Variants in CCDC73 observed in about 807,000 individuals in gnomAD.
CCDC73 encodes coiled-coil domain-containing protein 73.
Under a neutral mutation model 116.5 loss-of-function variants are expected in CCDC73, and 95 were observed. The ratio of observed to expected loss-of-function variants is 0.82; its 90% CI spans 0.69 to 0.97. The LOEUF is 0.97. CCDC73 is among the 50% of genes least tolerant of loss of function. The pLI is 0.00. For synonymous variants in CCDC73, 398 were observed against 401.3 expected (o/e 0.99, Z 0.10); for missense variants, 1,066 against 1,206.8 (o/e 0.88, Z 1.73).
At chr11:32,755,536 A>AATATATATATATATATATATATAT (rs375204188) in intron 2 of CCDC73, among the ~76,000 whole-genome samples, 4 of 59,910 alleles carry the variant, frequency 6.7e-5, no homozygotes, top group Non-Finnish European at 1.3e-4. Flanking sequence ...TCCATCTCAA[A>AATATATATATATATATATATATAT]ATATATATAT....
In CCDC73 at chr11:32,638,668, G is replaced by A. The variant is rs190576712; in HGVS notation, c.1051-2838C>T. On this transcript the variant is annotated intron_variant, in intron 13 of 17. Transcript: ENST00000335185. ...TAATTTTTGTATTGTTAGTAGAGAC[G>A]GGGTTTCACCGTGTTGGCCAGGATG... is the stretch of plus-strand genomic sequence containing the variant. 4.6e-3 allele frequency among the ~76,000 whole-genome samples: 702 copies of A among 151,820 alleles called. 26 individuals are homozygous for A. The East Asian group carries it at 0.089, about 19-fold the overall frequency.
At chr11:32,759,881 T>C (rs1850376261) in intron 2 of CCDC73, among the ~76,000 whole-genome samples, 1 of 152,234 alleles carries the variant, frequency 6.6e-6, no homozygotes, top group Non-Finnish European at 1.5e-5. Flanking sequence ...TATCAAGTAC[T>C]TAATCTGAAA....
intron 12 of CCDC73, among the ~76,000 whole-genome samples, chr11:32,647,238 A>T (rs201866): frequency 6.6e-6 from 1 of 151,972 alleles, no homozygotes; most frequent in Admixed American, 6.5e-5. Flanking sequence ...GCTTTTACTC[A>T]TGGTGGAAGG....
intron 2 of CCDC73, among the ~76,000 whole-genome samples, chr11:32,736,181 G>A (rs1344866797): frequency 2.0e-5 from 3 of 152,056 alleles, no homozygotes; most frequent in Admixed American, 6.5e-5. Context: ...AAACTAAAGA[G>A]TTTCTGCACA....
At chr11:32,692,235 C>T (rs181047401) in intron 6 of CCDC73, among the ~76,000 whole-genome samples, 1 of 151,904 alleles carries the variant, frequency 6.6e-6, no homozygotes, top group African/African-American at 2.4e-5. Context: ...GCTGTTCCTG[C>T]ACCATTTGTT....
chr11:32,781,646 T>C (rs916753083), intron 1 of CCDC73, among the ~76,000 whole-genome samples: 8 of 152,200 alleles, frequency 5.3e-5, no homozygotes, highest in Non-Finnish European at 1.0e-4. Flanking sequence ...ATGACAAAAC[T>C]GAGCCTCTGG....
chr11:32,669,970 G>A (rs538942892), intron 9 of CCDC73, among the ~76,000 whole-genome samples: 11 of 152,208 alleles, frequency 7.2e-5, no homozygotes, highest in African/African-American at 2.7e-4. Context: ...TTTTCTTTGG[G>A]TGTATACCCA....
At chr11:32,760,582 T>C (rs1157653099) in intron 1 of CCDC73, among the ~76,000 whole-genome samples, 1 of 152,234 alleles carries the variant, frequency 6.6e-6, no homozygotes, top group East Asian at 1.9e-4. Flanking sequence ...GGGATACACA[T>C]TCTGCTTCCT....
intron 2 of CCDC73, among the ~76,000 whole-genome samples, chr11:32,753,572 C>A (rs1042297547): frequency 6.6e-5 from 10 of 152,114 alleles, no homozygotes; most frequent in Non-Finnish European, 1.5e-4. Flanking sequence ...TCAAGTGATT[C>A]TTCTGCCTCA....
intron 2 of CCDC73, among the ~76,000 whole-genome samples, chr11:32,722,816 T>C (rs1450820622): frequency 2.6e-5 from 4 of 152,196 alleles, no homozygotes; most frequent in Non-Finnish European, 5.9e-5. Context: ...GTACTTTTTA[T>C]TTATTGATTA....
At chr11:32,691,177 TGGGGCTACAG>T (rs1045126315) in intron 6 of CCDC73, among the ~76,000 whole-genome samples, 5 of 151,946 alleles carry the variant, frequency 3.3e-5, no homozygotes. Context: ...CCCAAGTAGT[TGGGGCTACAG>T]GCACCTGCCA....
intron 1 of CCDC73, among the ~76,000 whole-genome samples, chr11:32,782,319 GA>G (rs1850591254): frequency 6.6e-6 from 1 of 152,204 alleles, no homozygotes; most frequent in African/African-American, 2.4e-5. Flanking sequence ...CCAGTCTGTG[GA>G]AAAATTGTCT....
At chr11:32,706,076 C>T (rs530970167) in intron 3 of CCDC73, among the ~76,000 whole-genome samples, 197 of 150,906 alleles carry the variant, frequency 1.3e-3, no homozygotes, top group Non-Finnish European at 2.5e-3. Flanking sequence ...TAGGAAGTCT[C>T]AAACCATTTA....
At chr11:32,642,129 G>T in intron 12 of CCDC73, 47 bp from the exon 13 acceptor site, 1 of 1,455,342 alleles carries the variant, frequency 6.9e-7, no homozygotes, top group Non-Finnish European at 9.1e-7. Flanking sequence ...CCACATTAAT[G>T]AATTCTGATG....
At chr11:32,789,625 T>A (rs985599065) in intron 1 of CCDC73, among the ~76,000 whole-genome samples, 2 of 151,836 alleles carry the variant, frequency 1.3e-5, no homozygotes, top group African/African-American at 4.8e-5. Flanking sequence ...ACAAAAAAAT[T>A]CGCTGGGTGT....
intron 1 of CCDC73, among the ~76,000 whole-genome samples, chr11:32,771,475 T>C (rs1407603483): frequency 1.3e-5 from 2 of 152,216 alleles, no homozygotes; most frequent in African/African-American, 2.4e-5. Flanking sequence ...GACTGCTAAA[T>C]GCCACTATTC....
At chr11:32,612,092 T>G (rs1265800966) in intron 16 of CCDC73, among the ~76,000 whole-genome samples, 1 of 152,218 alleles carries the variant, frequency 6.6e-6, no homozygotes, top group East Asian at 1.9e-4. Flanking sequence ...AAACAAGATA[T>G]GTTTTTGTTT....
intron 14 of CCDC73, among the ~76,000 whole-genome samples, chr11:32,634,779 T>C (rs554786107): frequency 6.6e-6 from 1 of 152,284 alleles, no homozygotes; most frequent in Non-Finnish European, 1.5e-5. Context: ...CGAAAACAAC[T>C]ATTATAACAA....
intron 7 of CCDC73, chr11:32,680,357 A>G (rs781348250): frequency 5.3e-5 from 8 of 152,170 alleles, no homozygotes; most frequent in Non-Finnish European, 1.0e-4. Flanking sequence ...TGGTTTTTCT[A>G]TCTGCATGAA....
Sources: allele counts gnomAD v4.1 joint callset (sites outside exome capture counted in the v4.1 genomes callset), GRCh38; gene constraint gnomAD v4.1.1; transcripts MANE v1.5; gene names NCBI Gene and HGNC (gene_info 2026-07-23, HGNC 2026-07-21).